The following CERT1 variants were observed in gnomAD, a reference collection of about 807,000 sequenced individuals.
CERT1 encodes ceramide transfer protein.
CERT1 carries 31 observed loss-of-function variants against 87.9 expected under a neutral mutation model. The ratio of observed to expected loss-of-function variants is 0.35; its 90% CI spans 0.27 to 0.48. CERT1 has a LOEUF of 0.48. Ranked by LOEUF, CERT1 falls within the 20% of genes least tolerant of loss-of-function variation. The probability of loss-of-function intolerance (pLI) is 0.99; values close to 1 mark genes in which losing one functional copy is unlikely to be tolerated. For synonymous variants in CERT1, 289 were observed against 250.9 expected, an observed-to-expected ratio of 1.15 and a Z score of -1.44; for missense variants, 487 against 758.0, an observed-to-expected ratio of 0.64 and a Z score of 4.20.
chr5:75,462,149 T>C (rs1219331218), intron 2 of CERT1, among the ~76,000 whole-genome samples: 1 of 152,160 alleles, frequency 6.6e-6, no homozygotes, highest in Non-Finnish European at 1.5e-5. Flanking sequence ...GTTTTGGTGC[T>C]GAGAAGTAAT....
intron 2 of CERT1, among the ~76,000 whole-genome samples, chr5:75,462,209 A>G (rs912799764): frequency 6.6e-6 from 1 of 152,112 alleles, no homozygotes; most frequent in African/African-American, 2.4e-5. Flanking sequence ...GATGGAAAAC[A>G]TTGAGAGGTG....
At chr5:75,411,806 T>C (rs1178214363) in intron 7 of CERT1, among the ~76,000 whole-genome samples, 1 of 152,194 alleles carries the variant, frequency 6.6e-6, no homozygotes, top group African/African-American at 2.4e-5. Context: ...ACATTTATTT[T>C]GGTATGAAGA....
chr5:75,485,181 T>C (rs535379746), intron 2 of CERT1, among the ~76,000 whole-genome samples: 7 of 151,654 alleles, frequency 4.6e-5, no homozygotes, highest in East Asian at 1.9e-4. Flanking sequence ...AAAACATACA[T>C]GGGAGGTTGG....
intron 15 of CERT1, 43 bp downstream of exon 15, chr5:75,381,906 C>T (rs932277658): frequency 1.3e-6 from 2 of 1,559,124 alleles, no homozygotes; most frequent in East Asian, 4.6e-5. Flanking sequence ...GTGTATTTAG[C>T]TTTATATTGT....
chr5:75,461,874 A>C (rs1765248650), intron 2 of CERT1, among the ~76,000 whole-genome samples: 1 of 151,992 alleles, frequency 6.6e-6, no homozygotes. Flanking sequence ...AGGAAATGAC[A>C]GATTTGGTTA....
intron 1 of CERT1, among the ~76,000 whole-genome samples, chr5:75,509,824 A>G (rs958619480): frequency 6.6e-6 from 1 of 152,224 alleles, no homozygotes; most frequent in African/African-American, 2.4e-5. Flanking sequence ...AATGTGTTCA[A>G]TAGAGATTCC....
At chr5:75,373,177 A>G (rs1022752398), downstream of CERT1, 4 of 152,246 alleles carry the variant, frequency 2.6e-5, no homozygotes, top group Non-Finnish European at 4.4e-5. Flanking sequence ...ACTTTGCAAC[A>G]TATCTTTTAA....
At chr5:75,494,847 C>T (rs916543740) in intron 2 of CERT1, among the ~76,000 whole-genome samples, 4 of 152,174 alleles carry the variant, frequency 2.6e-5, no homozygotes, top group African/African-American at 9.7e-5. Flanking sequence ...TTTTTAGCCC[C>T]ATTTCTTTTC....
chr5:75,399,423 A>G, intron 10 of CERT1, 36 bp from the exon 11 acceptor site: 1 of 1,494,610 alleles, frequency 6.7e-7, no homozygotes, highest in Non-Finnish European at 9.3e-7. Context: ...CCAAGTAATC[A>G]GAACAAAGGC....
intron 2 of CERT1, among the ~76,000 whole-genome samples, chr5:75,475,064 G>C (rs1034178162): frequency 1.3e-5 from 2 of 151,992 alleles, no homozygotes; most frequent in Non-Finnish European, 2.9e-5. Context: ...CACAGTCCAA[G>C]GCATGTAAAC....
chr5:75,420,551 G>A (rs1220033711), intron 5 of CERT1, among the ~76,000 whole-genome samples: 1 of 151,994 alleles, frequency 6.6e-6, no homozygotes, highest in African/African-American at 2.4e-5. Context: ...GACCATGTTA[G>A]CCAGGAATCC....
In CERT1 at chr5:75,381,061, A is replaced by T. The variant is rs1018150225; in HGVS notation, c.1747+11T>A. 1 of 1,613,586 alleles carries T rather than the reference A, an allele frequency of 6.2e-7. No individual in the cohort carries two copies. The highest frequency in any genetic ancestry group is 8.5e-7 in the Non-Finnish European group (1 of 1,179,598). On this transcript the variant is annotated intron_variant, in intron 16 of 16. Transcript: ENST00000643780. ...CACATTATCAAAGAGCAAAAACAAT[A>T]AAATACATACCATTAGCTACATATG...
chr5:75,391,800 G>T (rs1163553724), intron 11 of CERT1, among the ~76,000 whole-genome samples: 2 of 152,158 alleles, frequency 1.3e-5, no homozygotes, highest in African/African-American at 4.8e-5. Context: ...AACATCTTTA[G>T]ATTTGAGTAT....
chr5:75,413,531 C>A (rs1301081717), intron 7 of CERT1, among the ~76,000 whole-genome samples: 1 of 152,124 alleles, frequency 6.6e-6, no homozygotes, highest in Admixed American at 6.5e-5. Context: ...ATCACCCGAG[C>A]CCTGGAGTTC....
intron 9 of CERT1, chr5:75,401,568 C>A (rs760621000): frequency 5.9e-5 from 9 of 152,118 alleles, no homozygotes; most frequent in Non-Finnish European, 1.5e-5. Context: ...TCAGGTAGTA[C>A]TTTAGGTTTC....
At chr5:75,375,631 A>AAAAT (rs1224551448), downstream of CERT1, 17 of 136,124 alleles carry the variant, frequency 1.2e-4, no homozygotes, top group South Asian at 2.3e-4. Flanking sequence ...ATAAATAAAT[A>AAAAT]AAATAAATAA....
intron 9 of CERT1, 125 bp downstream of exon 9, chr5:75,402,847 C>A: frequency 3.5e-6 from 2 of 570,764 alleles, no homozygotes; most frequent in Non-Finnish European, 6.3e-6. Flanking sequence ...AATGTATTCA[C>A]AGTTAAGCTT....
Position 75,384,633 on chromosome 5 carries a change from G to C in CERT1, c.1488+9C>G. 1 of 1,577,136 alleles carries C rather than the reference G, an allele frequency of 6.3e-7. No homozygotes were observed. Among genetic ancestry groups the C allele is most frequent in the Non-Finnish European group, 8.7e-7 (1 of 1,147,410 alleles). ...GAAATCCTTTTAGGATGAATGAAGAGATCTTTACCTTGTGTGTTTGATAAA... is the reference window on the plus strand; with the variant it reads ...GAAATCCTTTTAGGATGAATGAAGACATCTTTACCTTGTGTGTTTGATAAA... On this transcript the variant is annotated intron_variant, in intron 14 of 16. Coordinates refer to ENST00000643780, the MANE Select transcript of CERT1 (RefSeq NM_001379029.1).
At chr5:75,437,675 A>T (rs1171983970) in intron 3 of CERT1, among the ~76,000 whole-genome samples, 1 of 151,056 alleles carries the variant, frequency 6.6e-6, no homozygotes, top group Non-Finnish European at 1.5e-5. Flanking sequence ...CTGAGGCAGG[A>T]GACTCGCTTG....
Sources: gnomAD v4.1 joint callset for allele counts (sites outside exome capture counted in the v4.1 genomes callset) on GRCh38, gnomAD v4.1.1 for gene constraint, MANE v1.5 for transcripts, NCBI Gene and HGNC (gene_info 2026-07-23, HGNC 2026-07-21) for gene names.